The following ZNF407 variants were observed in gnomAD, a reference collection of about 807,000 sequenced individuals.
ZNF407 encodes zinc finger protein 407.
In ZNF407, 17 loss-of-function variants were observed where a neutral mutation model predicts 131.2. The ratio of observed to expected loss-of-function variants is 0.13; its 90% CI spans 0.09 to 0.19. ZNF407 has a LOEUF of 0.19. Among genes scored for constraint, ZNF407 ranks in the 10% least tolerant of loss-of-function variants. The probability of loss-of-function intolerance (pLI) is 1.00; values close to 1 mark genes in which losing one functional copy is unlikely to be tolerated. For synonymous variants in ZNF407, 1,156 were observed against 1,062.0 expected (o/e 1.09, Z -1.72); for missense variants, 2,681 against 2,830.6 (o/e 0.95, Z 1.20).
chr18:74,653,294 A>C (rs1157731451), intron 3 of ZNF407, among the ~76,000 whole-genome samples: 1 of 151,840 alleles, frequency 6.6e-6, no homozygotes, highest in South Asian at 2.1e-4. Flanking sequence ...TCTCTTTAAA[A>C]GTTTATTTAA....
At chr18:74,654,163 A>G (rs1033082020) in intron 3 of ZNF407, among the ~76,000 whole-genome samples, 1 of 151,832 alleles carries the variant, frequency 6.6e-6, no homozygotes, top group Non-Finnish European at 1.5e-5. Context: ...TTTGTTATTG[A>G]AGGACCATTT....
intron 1 of ZNF407, among the ~76,000 whole-genome samples, chr18:74,615,369 G>A (rs1983241006): frequency 6.6e-6 from 1 of 152,196 alleles, no homozygotes; most frequent in Non-Finnish European, 1.5e-5. Flanking sequence ...GCTGCTTGTG[G>A]TGGCGCACGC....
chr18:74,677,459 T>C (rs1053422584), intron 3 of ZNF407, among the ~76,000 whole-genome samples: 1 of 152,202 alleles, frequency 6.6e-6, no homozygotes, highest in Admixed American at 6.5e-5. Context: ...AAATATTCTT[T>C]TATATTTTGA....
intron 3 of ZNF407, among the ~76,000 whole-genome samples, chr18:74,667,766 T>C (rs1985988700): frequency 6.6e-6 from 1 of 152,206 alleles, no homozygotes; most frequent in African/African-American, 2.4e-5. Flanking sequence ...ACATGGGACA[T>C]GCAGGCTTCC....
chr18:74,774,393 T>A (rs1969424836), intron 3 of ZNF407, among the ~76,000 whole-genome samples: 1 of 152,202 alleles, frequency 6.6e-6, no homozygotes, highest in African/African-American at 2.4e-5. Flanking sequence ...TATCAAAATA[T>A]CACCTACAGA....
chr18:74,660,257 C>T (rs770133897), intron 3 of ZNF407, among the ~76,000 whole-genome samples: 8 of 152,002 alleles, frequency 5.3e-5, no homozygotes, highest in Admixed American at 2.0e-4. Flanking sequence ...TTTTTTTATT[C>T]ATCATTGGTC....
intron 4 of ZNF407, among the ~76,000 whole-genome samples, chr18:74,830,430 A>ACGC (rs774731956): frequency 6.6e-6 from 1 of 152,024 alleles, no homozygotes; most frequent in Non-Finnish European, 1.5e-5. Context: ...CTACAGGACC[A>ACGC]CGCCACCATG....
chr18:74,788,654 T>C (rs1034409885), intron 4 of ZNF407, among the ~76,000 whole-genome samples: 1 of 150,728 alleles, frequency 6.6e-6, no homozygotes, highest in Admixed American at 6.6e-5. Flanking sequence ...ACTACTTTAG[T>C]AGAAATTATC....
chr18:74,602,539 A>C (rs1982626830), intron 1 of ZNF407, among the ~76,000 whole-genome samples: 1 of 152,222 alleles, frequency 6.6e-6, no homozygotes, highest in Non-Finnish European at 1.5e-5. Context: ...TGAGCTCTTT[A>C]TATAAACACT....
At chr18:74,943,407 T>C (rs1023083503) in intron 8 of ZNF407, among the ~76,000 whole-genome samples, 1 of 152,208 alleles carries the variant, frequency 6.6e-6, no homozygotes, top group South Asian at 2.1e-4. Context: ...GTTATTTGTC[T>C]GAATTGCTGC....
At chr18:74,641,369 C>T (rs1984707829) in intron 3 of ZNF407, among the ~76,000 whole-genome samples, 1 of 152,012 alleles carries the variant, frequency 6.6e-6, no homozygotes, top group African/African-American at 2.4e-5. Context: ...TGTAAATTGA[C>T]TAAATTATAG....
chr18:74,795,577 C>T (rs551910141), intron 4 of ZNF407, among the ~76,000 whole-genome samples: 1 of 152,220 alleles, frequency 6.6e-6, no homozygotes, highest in Admixed American at 6.5e-5. Context: ...CATGGTTTCC[C>T]TTGTATGTTG....
chr18:74,598,131 CCGCCCAGACTCA>C (rs1257845614), intron 1 of ZNF407, 194 bp downstream of exon 1: 1 of 151,598 alleles, frequency 6.6e-6, no homozygotes, highest in Non-Finnish European at 1.5e-5. Flanking sequence ...TTCCCGACAC[CCGCCCAGACTCA>C]CGCCCGGACA....
intron 3 of ZNF407, among the ~76,000 whole-genome samples, chr18:74,779,824 G>A (rs1969562202): frequency 6.6e-6 from 1 of 152,040 alleles, no homozygotes; most frequent in Non-Finnish European, 1.5e-5. Context: ...ACTTGGTCGT[G>A]TAAATAAGCT....
At chr18:74,863,219 C>A (rs1970962871) in intron 4 of ZNF407, among the ~76,000 whole-genome samples, 1 of 151,698 alleles carries the variant, frequency 6.6e-6, no homozygotes, top group African/African-American at 2.4e-5. Context: ...CCGCACCCGG[C>A]TCACTTGGGT....
At chr18:74,622,938 GTA>G (rs952421711) in intron 1 of ZNF407, among the ~76,000 whole-genome samples, 1 of 152,108 alleles carries the variant, frequency 6.6e-6, no homozygotes, top group South Asian at 2.1e-4. Context: ...GAATGTGTGT[GTA>G]TATATCTGTG....
intron 4 of ZNF407, among the ~76,000 whole-genome samples, chr18:74,805,685 T>C (rs1970098381): frequency 1.3e-5 from 2 of 152,180 alleles, no homozygotes; most frequent in South Asian, 4.1e-4. Flanking sequence ...TGTTTGATCA[T>C]TGTTAGGTGG....
At chr18:75,059,829 T>C (rs1025825423) in intron 8 of ZNF407, among the ~76,000 whole-genome samples, 1 of 152,170 alleles carries the variant, frequency 6.6e-6, no homozygotes, top group African/African-American at 2.4e-5. Flanking sequence ...CAGGCAGCGA[T>C]TCGGCCCCTG....
intron 2 of ZNF407, among the ~76,000 whole-genome samples, chr18:74,636,726 A>C (rs1375693391): frequency 6.6e-6 from 1 of 152,226 alleles, no homozygotes; most frequent in Non-Finnish European, 1.5e-5. Flanking sequence ...AAAGTTTTTC[A>C]CTGAAGGAAG....
Sources: gnomAD v4.1 joint callset for allele counts (sites outside exome capture counted in the v4.1 genomes callset) on GRCh38, gnomAD v4.1.1 for gene constraint, MANE v1.5 for transcripts, NCBI Gene and HGNC (gene_info 2026-07-23, HGNC 2026-07-21) for gene names.